SLC5A10: variants seen among roughly 807,000 people sequenced by gnomAD.
The protein encoded by SLC5A10 is solute carrier family 5 member 10.
In SLC5A10, 55 loss-of-function variants were observed where a neutral mutation model predicts 68.9. The ratio of observed to expected loss-of-function variants is 0.80; its 90% CI spans 0.64 to 1.00. SLC5A10 has a LOEUF of 1.00. SLC5A10 is among the 50% of genes least tolerant of loss of function. SLC5A10 has a pLI of 0.00. For synonymous variants in SLC5A10, 344 were observed against 344.8 expected (o/e 1.00, Z 0.02); for missense variants, 732 against 819.3 (o/e 0.89, Z 1.30).
intron 9 of SLC5A10, among the ~76,000 whole-genome samples, chr17:18,983,337 T>A (rs984312148): frequency 6.6e-6 from 1 of 152,234 alleles, no homozygotes; most frequent in East Asian, 1.9e-4. Context: ...CACGCCCAGG[T>A]CCCACAGCAG....
chr17:19,013,297 C>G (rs1048729565), intron 9 of SLC5A10, 113 bp from the exon 10 acceptor site: 7 of 1,526,432 alleles, frequency 4.6e-6, no homozygotes, highest in Non-Finnish European at 6.1e-6. Flanking sequence ...GGTAACAGGT[C>G]AGAGGCATTG....
intron 4 of SLC5A10, 104 bp from the exon 5 acceptor site, chr17:18,960,444 C>A: frequency 2.0e-6 from 2 of 1,009,526 alleles, no homozygotes; most frequent in Non-Finnish European, 3.0e-6. Context: ...AGGCTCGCAG[C>A]TGCTTTGTGG....
chr17:19,007,827 A>C (rs1005103560), intron 9 of SLC5A10, among the ~76,000 whole-genome samples: 3 of 152,166 alleles, frequency 2.0e-5, no homozygotes, highest in South Asian at 2.1e-4. Flanking sequence ...CAAGTCTAAG[A>C]ACTATTCACT....
At position 18,971,529 on chromosome 17, in the gene SLC5A10, G is replaced by A. The variant is rs369370025; in HGVS notation, c.846+311G>A. 56 of 1,613,864 alleles carry A rather than the reference G, an allele frequency of 3.5e-5. No individual in the cohort carries two copies. The highest frequency in any genetic ancestry group is 6.7e-5 in the East Asian group (3 of 44,890). ...GTGGCCCTGCCATCGGTCATGGGGCGGGCATTTTGGGCCAGTCTTGGGCTG... is the reference window on the plus strand; with the variant it reads ...GTGGCCCTGCCATCGGTCATGGGGCAGGCATTTTGGGCCAGTCTTGGGCTG... On this transcript the variant is annotated intron_variant, in intron 8 of 14. Transcript: ENST00000395645. The surrounding 1 kb of genome is among the most constrained non-coding windows in gnomAD (Gnocchi z 5.5).
chr17:18,957,608 G>A (rs931386708), intron 1 of SLC5A10, among the ~76,000 whole-genome samples: 45 of 152,120 alleles, frequency 3.0e-4, no homozygotes, highest in Non-Finnish European at 5.1e-4. Flanking sequence ...TGGGACTACA[G>A]GCGCCTGCCA....
intron 1 of SLC5A10, 95 bp from the exon 2 acceptor site, chr17:18,958,587 C>G (rs1195871935): frequency 9.8e-7 from 1 of 1,018,096 alleles, no homozygotes; most frequent in Non-Finnish European, 1.5e-6. Flanking sequence ...TGATTCTATG[C>G]GTAACCTTTT....
Position 18,968,409 on chromosome 17 carries a change from C to G in SLC5A10, c.454-643C>G, listed in dbSNP as rs559260831. Among the ~76,000 whole-genome samples the G allele has an allele frequency of 2.8e-4, 43 of 152,340 alleles. No homozygotes were observed. Among genetic ancestry groups the G allele is most frequent in the Non-Finnish European group, 4.9e-4 (33 of 68,024 alleles). ...GGGTGGGATTCTGGTCTTTGAGGCC[C>G]ATGCCAGGCAGAGGTTGGCCTCCAG... On this transcript the variant is annotated intron_variant, in intron 5 of 14. Transcript: ENST00000395645. This position sits in a 1 kb window ranked among gnomAD's most constrained non-coding sequence, Gnocchi z 4.1.
intron 9 of SLC5A10, among the ~76,000 whole-genome samples, chr17:18,990,475 G>A (rs1332362567): frequency 6.6e-6 from 1 of 152,214 alleles, no homozygotes; most frequent in Non-Finnish European, 1.5e-5. Context: ...AGCCTAATGA[G>A]GGCGCAGTAG....
Position 19,020,375 on chromosome 17 carries a change from T to A in SLC5A10, c.1735T>A (p.Phe579Ile), listed in dbSNP as rs1288029940. The change falls in exon 15 of 15, where the codon TTC becomes ATC. Residue 579 changes from phenylalanine to isoleucine, a missense_variant. Transcript: ENST00000395645. ...KHAFWARVCG[F>I]NAILLMCVNI... The stretch of plus-strand genomic sequence containing the variant: ...CGCCTTCTGGGCCCGTGTCTGTGGC[T>A]TCAATGCCATCCTCCTCATGTGTGT... 6.2e-7 allele frequency: 1 copy of A among 1,614,148 alleles called. No homozygotes were observed. The highest frequency in any genetic ancestry group is 8.5e-7 in the Non-Finnish European group (1 of 1,180,038).
At position 19,004,172 on chromosome 17, in the gene SLC5A10, G is replaced by A; in HGVS notation, c.983-9238G>A. The A allele has an allele frequency of 1.1e-6, 1 of 898,334 alleles. No homozygotes were observed. Among genetic ancestry groups the A allele is most frequent in the South Asian group, 1.8e-5 (1 of 54,952 alleles). 55.6% of individuals were successfully genotyped at this position (898,334 alleles called of 1,614,324 possible). On this transcript the variant is annotated intron_variant, in intron 9 of 14. Coordinates refer to ENST00000395645, the MANE Select transcript of SLC5A10 (RefSeq NM_001042450.4). The surrounding 1 kb of genome is among the most constrained non-coding windows in gnomAD (Gnocchi z 5.4). ...CTGCTTCTCTGCCCATGAGCAATCT[G>A]CGGGAAAGACCTGATGAGCCCGGCT...
rs777936836 is a variant in SLC5A10 at position 19,020,355 on chromosome 17, T to G, written c.1715T>G (p.Phe572Cys). 2.0e-5 allele frequency: 33 copies of G among 1,613,988 alleles called. No individual in the cohort carries two copies. The highest frequency in any genetic ancestry group is 2.5e-5 in the Non-Finnish European group (30 of 1,180,042). The change falls in exon 15 of 15, where the codon TTC (phenylalanine) becomes TGC (cysteine). Residue 572 changes from phenylalanine to cysteine, a missense_variant. By Grantham distance (205) the Phe-to-Cys change is radical. Coordinates refer to ENST00000395645, the MANE Select transcript of SLC5A10 (RefSeq NM_001042450.4). ...GDGQTPQKHAFWARVCGFNAI... is the reference protein window; with the variant it reads ...GDGQTPQKHACWARVCGFNAI... ...GGCCAAACACCCCAGAAACACGCCTTCTGGGCCCGTGTCTGTGGCTTCAAT... is the reference window on the plus strand; with the variant it reads ...GGCCAAACACCCCAGAAACACGCCTGCTGGGCCCGTGTCTGTGGCTTCAAT...
chr17:18,964,210 C>T (rs1367353608), intron 5 of SLC5A10, among the ~76,000 whole-genome samples: 16 of 152,298 alleles, frequency 1.1e-4, no homozygotes, highest in Middle Eastern at 3.4e-3. Context: ...CTGGCCGCAT[C>T]CCCAGGGCTG....
At chr17:18,976,203 CT>C (rs1439562110) in intron 8 of SLC5A10, 1 of 99,852 alleles carries the variant, frequency 1.0e-5, no homozygotes, top group African/African-American at 3.8e-5. Flanking sequence ...AAAAGTAACT[CT>C]TTTGAAGTAG....
Position 18,971,288 on chromosome 17 carries a change from C to G in SLC5A10, c.846+70C>G. 1 of 1,609,502 alleles carries G rather than the reference C, an allele frequency of 6.2e-7. No homozygotes were observed. The highest frequency in any genetic ancestry group is 1.7e-5 in the Admixed American group (1 of 59,934). On this transcript the variant is annotated intron_variant, in intron 8 of 14. Transcript: ENST00000395645. This position sits in a 1 kb window ranked among gnomAD's most constrained non-coding sequence, Gnocchi z 5.5. ...AGTGGGCTCTGGTAGGCCCAGGCGG[C>G]CTGTCTGCCCTCCGCGTCATGAGTC...
At chr17:19,013,141 A>G (rs1014708576) in intron 9 of SLC5A10, among the ~76,000 whole-genome samples, 5 of 152,242 alleles carry the variant, frequency 3.3e-5, no homozygotes, top group Non-Finnish European at 4.4e-5. Flanking sequence ...CGGACCTCAC[A>G]CAGCAGAGCC....
rs773359331 is a variant in SLC5A10 at position 18,978,717 on chromosome 17, T to C, written c.982+1728T>C. 10 of 1,612,806 alleles carry C rather than the reference T, an allele frequency of 6.2e-6. No homozygotes were observed. The highest frequency in any genetic ancestry group is 7.6e-6 in the Non-Finnish European group (9 of 1,179,996). ...GGCTCCGGCTCCGGTTCCTTCTCCA[T>C]AGGGATGCCCTTGAGGCTCACACTG... is the stretch of plus-strand genomic sequence containing the variant. On this transcript the variant is annotated intron_variant, in intron 9 of 14. Transcript: ENST00000395645.
chr17:19,020,386 C>A lies in SLC5A10; in HGVS notation c.1746C>A (p.Ile582=), dbSNP rs1344954129. Reference sequence around the variant, plus strand: ...CCCGTGTCTGTGGCTTCAATGCCATCCTCCTCATGTGTGTCAACATATTCT... The same window carrying A: ...CCCGTGTCTGTGGCTTCAATGCCATACTCCTCATGTGTGTCAACATATTCT... ...FWARVCGFNA[I]LLMCVNIFFY... Residue 582 remains isoleucine, a synonymous_variant, in exon 15 of 15, where the codon ATC becomes ATA. Coordinates refer to ENST00000395645, the MANE Select transcript of SLC5A10 (RefSeq NM_001042450.4). 2 of 1,614,136 alleles carry A rather than the reference C, an allele frequency of 1.2e-6. No homozygotes were observed. The highest frequency in any genetic ancestry group is 1.7e-6 in the Non-Finnish European group (2 of 1,180,040).
chr17:18,952,201 C>G lies in SLC5A10; in HGVS notation c.-5C>G, dbSNP rs773537368. 1 of 1,611,304 alleles carries G rather than the reference C, an allele frequency of 6.2e-7. No individual in the cohort carries two copies. The highest frequency in any genetic ancestry group is 8.5e-7 in the Non-Finnish European group (1 of 1,178,914). ...CTCATACCTAGTGCCTGCGGCAGGACAGCCATGGCCGCCAACTCCACCAGC... is the reference window on the plus strand; with the variant it reads ...CTCATACCTAGTGCCTGCGGCAGGAGAGCCATGGCCGCCAACTCCACCAGC... On this transcript the variant is annotated 5_prime_UTR_variant, in exon 1 of 15. Coordinates refer to ENST00000395645, the MANE Select transcript of SLC5A10 (RefSeq NM_001042450.4).
rs781713601 is a variant in SLC5A10 at position 19,015,002 on chromosome 17, G to A, written c.1091-47G>A. 15 of 1,585,560 alleles carry A rather than the reference G, an allele frequency of 9.5e-6. No individual in the cohort carries two copies. The Admixed American group carries it at 1.9e-4, about 20-fold the overall frequency. The stretch of plus-strand genomic sequence containing the variant: ...AGCCCAGGCGGGAGGGGTTCCCGGG[G>A]CTGTCTCAAGGCCGGACAGGGTCAC... On this transcript the variant is annotated intron_variant, in intron 10 of 14. Coordinates refer to ENST00000395645, the MANE Select transcript of SLC5A10 (RefSeq NM_001042450.4).
Sources: gnomAD v4.1 joint callset for allele counts (sites outside exome capture counted in the v4.1 genomes callset) on GRCh38, gnomAD v4.1.1 for gene constraint, Gnocchi (gnomAD v3.1) non-coding constraint, MANE v1.5 for transcripts, NCBI Gene and HGNC (gene_info 2026-07-23, HGNC 2026-07-21) for gene names.